STX8: variants seen among roughly 807,000 people sequenced by gnomAD.
The protein encoded by STX8 is syntaxin 8, also known as syntaxin-8.
STX8 carries 23 observed loss-of-function variants against 37.5 expected under a neutral mutation model. The observed-to-expected ratio is 0.61, with a 90% CI of 0.44 to 0.87. The LOEUF (loss-of-function observed/expected upper bound fraction) is 0.87, where lower values mean the gene tolerates loss of function less well. STX8 is among the 40% of genes least tolerant of loss of function. The pLI, the probability that STX8 is intolerant of heterozygous loss-of-function variation, is 0.00. For synonymous variants in STX8, 115 were observed against 99.1 expected (o/e 1.16, Z -0.95); for missense variants, 313 against 284.7 (o/e 1.10, Z -0.71).
intron 7 of STX8, 33 bp downstream of exon 7, chr17:9,378,519 C>T: frequency 6.4e-7 from 1 of 1,569,522 alleles, no homozygotes; most frequent in Non-Finnish European, 8.8e-7. Context: ...CAAGCTATGA[C>T]AGAAACAGAG....
At chr17:9,275,609 C>A (rs2142145024) in intron 7 of STX8, among the ~76,000 whole-genome samples, 1 of 152,286 alleles carries the variant, frequency 6.6e-6, no homozygotes. Context: ...GTGGCTCATG[C>A]CTGTGATCCC....
intron 7 of STX8, among the ~76,000 whole-genome samples, chr17:9,371,869 C>T (rs1025601267): frequency 6.6e-6 from 1 of 152,082 alleles, no homozygotes; most frequent in Non-Finnish European, 1.5e-5. Context: ...TTATAATCAA[C>T]GTCTGATAAT....
At position 9,556,245 on chromosome 17, in the gene STX8, T is replaced by C. The variant is rs954882891; in HGVS notation, c.212+1189A>G. Among the ~76,000 whole-genome samples the C allele has an allele frequency of 3.3e-5, 5 of 152,286 alleles. No individual in the cohort carries two copies. The South Asian group carries it at 6.2e-4, about 19-fold the overall frequency. On this transcript the variant is annotated intron_variant, in intron 3 of 7. Coordinates refer to ENST00000306357, the MANE Select transcript of STX8 (RefSeq NM_004853.3). ...AAAAAGCTGTATTCCTGTATTTCCTTATATTTAAAATCTGGCAATATCCAT... is the reference window on the plus strand; with the variant it reads ...AAAAAGCTGTATTCCTGTATTTCCTCATATTTAAAATCTGGCAATATCCAT...
chr17:9,406,646 T>C (rs1416938925), intron 6 of STX8, among the ~76,000 whole-genome samples: 1 of 152,228 alleles, frequency 6.6e-6, no homozygotes, highest in East Asian at 1.9e-4. Context: ...TCTGTGTATA[T>C]TTTATAGTAG....
chr17:9,324,522 G>C (rs966260478), intron 7 of STX8, among the ~76,000 whole-genome samples: 5 of 152,018 alleles, frequency 3.3e-5, no homozygotes, highest in Admixed American at 6.6e-5. Flanking sequence ...CTGCACTTTG[G>C]GGGGCTGAGG....
At chr17:9,382,077 C>A (rs1358933875) in intron 6 of STX8, among the ~76,000 whole-genome samples, 1 of 152,094 alleles carries the variant, frequency 6.6e-6, no homozygotes, top group African/African-American at 2.4e-5. Context: ...TATTTTAATT[C>A]TCTCATATTT....
intron 6 of STX8, chr17:9,469,292 T>C (rs1026688135): frequency 3.3e-5 from 5 of 152,114 alleles, no homozygotes; most frequent in African/African-American, 1.2e-4. Flanking sequence ...GCTCATTAGA[T>C]ATATTCCCAT....
chr17:9,488,821 A>AGGGT (rs563653738), intron 6 of STX8, among the ~76,000 whole-genome samples: 1 of 143,908 alleles, frequency 6.9e-6, no homozygotes, highest in African/African-American at 2.6e-5. Context: ...AGAGAGAGAG[A>AGGGT]GTGTGTGTGT....
chr17:9,542,784 G>C (rs527993481), intron 4 of STX8, among the ~76,000 whole-genome samples: 1 of 152,192 alleles, frequency 6.6e-6, no homozygotes, highest in Non-Finnish European at 1.5e-5. Context: ...GATCTTGTTA[G>C]AATGCAAGTT....
At chr17:9,342,045 G>A (rs1910376834) in intron 7 of STX8, among the ~76,000 whole-genome samples, 1 of 152,046 alleles carries the variant, frequency 6.6e-6, no homozygotes, top group South Asian at 2.1e-4. Flanking sequence ...ATTTTTCCAC[G>A]GCCTGGAGGG....
At chr17:9,468,988 C>A (rs1456685354) in intron 6 of STX8, 1 of 152,284 alleles carries the variant, frequency 6.6e-6, no homozygotes, top group Non-Finnish European at 1.5e-5. Flanking sequence ...ACCCGTGCCT[C>A]AATGCCTCTA....
chr17:9,291,960 G>A (rs915418579), intron 7 of STX8, among the ~76,000 whole-genome samples: 1 of 152,220 alleles, frequency 6.6e-6, no homozygotes, highest in Non-Finnish European at 1.5e-5. Flanking sequence ...CCAAGGAAAA[G>A]TTCTCTTTCA....
At chr17:9,318,216 C>T (rs748691151) in intron 7 of STX8, among the ~76,000 whole-genome samples, 13 of 152,130 alleles carry the variant, frequency 8.5e-5, no homozygotes, top group Non-Finnish European at 1.3e-4. Context: ...TGGTTTGCTG[C>T]ACCCATCAAC....
chr17:9,566,292 A>C (rs1051142376), intron 2 of STX8, among the ~76,000 whole-genome samples: 2 of 152,234 alleles, frequency 1.3e-5, no homozygotes, highest in Admixed American at 6.5e-5. Flanking sequence ...ATTACTAAAA[A>C]GTCAAAAAAT....
intron 7 of STX8, among the ~76,000 whole-genome samples, chr17:9,267,567 A>G (rs1907274915): frequency 6.6e-6 from 1 of 152,208 alleles, no homozygotes; most frequent in African/African-American, 2.4e-5. Flanking sequence ...CAGTACAACC[A>G]AACATGGCTG....
chr17:9,387,285 T>C (rs549483332), intron 6 of STX8, among the ~76,000 whole-genome samples: 13 of 152,056 alleles, frequency 8.5e-5, no homozygotes, highest in Non-Finnish European at 1.8e-4. Flanking sequence ...TAGTAGCATA[T>C]GTAAAAGTGG....
At chr17:9,342,644 G>A (rs927416444) in intron 7 of STX8, among the ~76,000 whole-genome samples, 3 of 152,100 alleles carry the variant, frequency 2.0e-5, no homozygotes, top group African/African-American at 7.2e-5. Context: ...ATGATAGTGG[G>A]GTGAGGGGTT....
chr17:9,409,039 T>TCCAA (rs1350822354), intron 6 of STX8, among the ~76,000 whole-genome samples: 1 of 151,832 alleles, frequency 6.6e-6, no homozygotes, highest in Non-Finnish European at 1.5e-5. Flanking sequence ...ACCTCTCTAT[T>TCCAA]CCAAGTATGG....
Position 9,297,042 on chromosome 17 carries a change from T to A in STX8, c.644-46397A>T, listed in dbSNP as rs2551800. Among the ~76,000 whole-genome samples the A allele has an allele frequency of 2.1e-3, 318 of 152,264 alleles. 2 individuals are homozygous for A. The highest frequency in any genetic ancestry group is 7.1e-3 in the African/African-American group (295 of 41,552). ...TAAATGGGAAGAATAACAGCATCTG[T>A]TCATACAGGACAGGTATGAGGACTT... On this transcript the variant is annotated intron_variant, in intron 7 of 7. Transcript: ENST00000306357.
Sources: allele counts gnomAD v4.1 joint callset (sites outside exome capture counted in the v4.1 genomes callset), GRCh38; gene constraint gnomAD v4.1.1; transcripts MANE v1.5; gene names NCBI Gene and HGNC (gene_info 2026-07-23, HGNC 2026-07-21).